PARP8: variants seen among roughly 807,000 people sequenced by gnomAD.
PARP8 encodes poly(ADP-ribose) polymerase family member 8.
In PARP8, 51 loss-of-function variants were observed where a neutral mutation model predicts 124.1. The observed-to-expected ratio is 0.41, with a 90% CI of 0.33 to 0.52. PARP8 has a LOEUF of 0.52. Ranked by LOEUF, PARP8 falls within the 20% of genes least tolerant of loss-of-function variation. The probability of loss-of-function intolerance (pLI) is 0.21; values close to 1 mark genes in which losing one functional copy is unlikely to be tolerated. For synonymous variants in PARP8, 391 were observed against 361.5 expected, an observed-to-expected ratio of 1.08 and a Z score of -0.93; for missense variants, 860 against 1,018.9, an observed-to-expected ratio of 0.84 and a Z score of 2.12.
intron 2 of PARP8, among the ~76,000 whole-genome samples, chr5:50,711,321 C>G (rs1176372082): frequency 6.6e-6 from 1 of 152,070 alleles, no homozygotes; most frequent in East Asian, 1.9e-4. Context: ...GCATGGCCCT[C>G]TCTCCAGCTC....
At chr5:50,706,596 T>G (rs1393959563) in intron 2 of PARP8, among the ~76,000 whole-genome samples, 6 of 152,132 alleles carry the variant, frequency 3.9e-5, no homozygotes, top group Admixed American at 2.6e-4. Flanking sequence ...ATTTATTTTA[T>G]TTTTTGTTTT....
chr5:50,724,767 G>A (rs1343283677), intron 2 of PARP8, among the ~76,000 whole-genome samples: 3 of 151,810 alleles, frequency 2.0e-5, no homozygotes, highest in African/African-American at 7.3e-5. Context: ...GAATTACACG[G>A]TGGTGAATTC....
At chr5:50,784,124 G>A (rs549448231) in intron 9 of PARP8, among the ~76,000 whole-genome samples, 45 of 152,228 alleles carry the variant, frequency 3.0e-4, no homozygotes, top group Admixed American at 1.2e-3. Context: ...TGCAAAAAAT[G>A]TATGGCTAAT....
chr5:50,694,529 T>C (rs916871769), intron 2 of PARP8, among the ~76,000 whole-genome samples: 2 of 152,224 alleles, frequency 1.3e-5, no homozygotes, highest in Non-Finnish European at 2.9e-5. Flanking sequence ...GCCCTGCTTT[T>C]ATAAATTTTG....
At chr5:50,718,013 TAGAAC>T (rs757468417) in intron 2 of PARP8, among the ~76,000 whole-genome samples, 98 of 152,010 alleles carry the variant, frequency 6.4e-4, no homozygotes, top group South Asian at 4.2e-4. Context: ...TCGTAGGAAG[TAGAAC>T]AGAGAAATAG....
chr5:50,831,663 AAC>A (rs1335971125), intron 22 of PARP8, among the ~76,000 whole-genome samples: 3 of 152,168 alleles, frequency 2.0e-5, no homozygotes, highest in African/African-American at 7.2e-5. Flanking sequence ...ATAAAGAAAA[AAC>A]ACAGCAAATC....
At chr5:50,685,894 A>G (rs192444501) in intron 2 of PARP8, among the ~76,000 whole-genome samples, 6 of 152,286 alleles carry the variant, frequency 3.9e-5, no homozygotes, top group South Asian at 2.1e-4. Context: ...ACCTGCCCCC[A>G]TGATTCAATT....
chr5:50,787,612 A>G (rs543264597), intron 9 of PARP8, among the ~76,000 whole-genome samples: 75 of 152,018 alleles, frequency 4.9e-4, no homozygotes, highest in Admixed American at 7.9e-4. Flanking sequence ...TTCAGACTTC[A>G]TGGGTGCAGG....
intron 2 of PARP8, among the ~76,000 whole-genome samples, chr5:50,674,754 TTTA>T (rs1195981846): frequency 3.3e-5 from 5 of 152,234 alleles, no homozygotes; most frequent in African/African-American, 1.2e-4. Flanking sequence ...CTGTGTAAAG[TTTA>T]TTGATTGATA....
At chr5:50,780,204 T>C (rs1263582548) in intron 9 of PARP8, among the ~76,000 whole-genome samples, 2 of 152,198 alleles carry the variant, frequency 1.3e-5, no homozygotes, top group African/African-American at 4.8e-5. Context: ...AGGGAATGAT[T>C]TGTAATGTAT....
intron 2 of PARP8, among the ~76,000 whole-genome samples, chr5:50,742,926 C>A (rs181849913): frequency 3.9e-5 from 6 of 152,202 alleles, no homozygotes; most frequent in African/African-American, 1.4e-4. Context: ...TATCTAAAAT[C>A]ATGGGAAGAT....
At chr5:50,681,002 T>C (rs1037234698) in intron 2 of PARP8, among the ~76,000 whole-genome samples, 1 of 152,272 alleles carries the variant, frequency 6.6e-6, no homozygotes, top group East Asian at 1.9e-4. Context: ...TTTATGCTTA[T>C]GAATTCAAAA....
intron 2 of PARP8, among the ~76,000 whole-genome samples, chr5:50,686,372 G>T (rs1751860727): frequency 6.6e-6 from 1 of 152,176 alleles, no homozygotes; most frequent in Non-Finnish European, 1.5e-5. Context: ...GTCTTGGGCA[G>T]CTCCACCCCT....
chr5:50,707,112 C>T (rs780614452), intron 2 of PARP8, among the ~76,000 whole-genome samples: 1 of 151,956 alleles, frequency 6.6e-6, no homozygotes, highest in African/African-American at 2.4e-5. Flanking sequence ...TGATATAAAA[C>T]CTTTTTTGTA....
intron 2 of PARP8, among the ~76,000 whole-genome samples, chr5:50,747,150 G>GTTTT (rs1561320439): frequency 1.3e-4 from 5 of 38,498 alleles, no homozygotes; most frequent in African/African-American, 2.8e-4. Context: ...GGTTTTTTTT[G>GTTTT]TTTGTTTGTT....
intron 2 of PARP8, among the ~76,000 whole-genome samples, chr5:50,748,288 A>AT (rs1295912964): frequency 6.6e-6 from 1 of 151,938 alleles, no homozygotes; most frequent in East Asian, 1.9e-4. Context: ...ATATGTAAGG[A>AT]TTTTGCAACT....
At chr5:50,703,956 A>T (rs1425093921) in intron 2 of PARP8, among the ~76,000 whole-genome samples, 1 of 152,012 alleles carries the variant, frequency 6.6e-6, no homozygotes, top group Non-Finnish European at 1.5e-5. Context: ...GATTTGTAGG[A>T]GAAAGCACCT....
At chr5:50,725,690 T>C (rs1255437270) in intron 2 of PARP8, among the ~76,000 whole-genome samples, 2 of 152,186 alleles carry the variant, frequency 1.3e-5, no homozygotes. Flanking sequence ...TGGCAAACGG[T>C]TTCCATTATT....
At chr5:50,828,198 A>G (rs556286640) in intron 20 of PARP8, 114 bp from the exon 21 acceptor site, 2 of 1,186,622 alleles carry the variant, frequency 1.7e-6, no homozygotes, top group Admixed American at 1.8e-5. Flanking sequence ...ACTACATAAT[A>G]CTTGATTTGG....
Sources: gnomAD v4.1 joint callset for allele counts (sites outside exome capture counted in the v4.1 genomes callset) on GRCh38, gnomAD v4.1.1 for gene constraint, MANE v1.5 for transcripts, NCBI Gene and HGNC (gene_info 2026-07-23, HGNC 2026-07-21) for gene names.